Variants in CADPS2 observed in about 807,000 individuals in gnomAD.
CADPS2 encodes calcium-dependent secretion activator 2.
CADPS2 carries 93 observed loss-of-function variants against 172.5 expected under a neutral mutation model. That is an observed-to-expected ratio of 0.54 (90% confidence interval 0.46 to 0.64). CADPS2 has a LOEUF of 0.64. CADPS2 is among the 30% of genes least tolerant of loss of function. The pLI is 0.00. For missense variants in CADPS2, 1,420 were observed against 1,565.9 expected, an observed-to-expected ratio of 0.91 and a Z score of 1.57; for synonymous variants, 546 against 555.2, an observed-to-expected ratio of 0.98 and a Z score of 0.23.
intron 18 of CADPS2, among the ~76,000 whole-genome samples, chr7:122,415,202 C>G (rs1419669695): frequency 6.6e-6 from 1 of 152,084 alleles, no homozygotes; most frequent in Non-Finnish European, 1.5e-5. Context: ...ATGTTGAGAG[C>G]GAAAGCCTAG....
At chr7:122,602,909 GAACAGGTAAT>G (rs1405648171) in intron 6 of CADPS2, among the ~76,000 whole-genome samples, 5 of 152,046 alleles carry the variant, frequency 3.3e-5, no homozygotes, top group African/African-American at 1.2e-4. Context: ...CATAACTCCA[GAACAGGTAAT>G]AACAAGTGCT....
intron 2 of CADPS2, chr7:122,698,418 A>G (rs1021338475): frequency 6.2e-7 from 1 of 1,613,820 alleles, no homozygotes; most frequent in Non-Finnish European, 8.5e-7. Flanking sequence ...CTCCCTTCTT[A>G]ATTAAATGGA....
chr7:122,813,587 G>A (rs1188169121), intron 1 of CADPS2, among the ~76,000 whole-genome samples: 1 of 151,996 alleles, frequency 6.6e-6, no homozygotes, highest in East Asian at 1.9e-4. Flanking sequence ...GTTCTTAAAA[G>A]CAGAACTTTA....
At chr7:122,664,064 C>CAAAAAAAAAA (rs541690772) in intron 2 of CADPS2, among the ~76,000 whole-genome samples, 1 of 84,882 alleles carries the variant, frequency 1.2e-5, no homozygotes, top group Non-Finnish European at 2.2e-5. Flanking sequence ...TGTTTATAAG[C>CAAAAAAAAAA]AAAAAAAAAA....
chr7:122,482,076 G>A (rs2057368129), intron 11 of CADPS2, among the ~76,000 whole-genome samples: 1 of 152,086 alleles, frequency 6.6e-6, no homozygotes, highest in African/African-American at 2.4e-5. Context: ...CTATGCTAGT[G>A]GTTCCTACCT....
intron 15 of CADPS2, among the ~76,000 whole-genome samples, chr7:122,442,022 A>C (rs2051421029): frequency 6.6e-6 from 1 of 152,194 alleles, no homozygotes; most frequent in South Asian, 2.1e-4. Flanking sequence ...TCCTTTGCTG[A>C]CATTTGCCTG....
At chr7:122,447,538 G>A (rs7785662) in intron 15 of CADPS2, among the ~76,000 whole-genome samples, 50,166 of 131,060 alleles carry the variant, frequency 0.38, 10,467 homozygotes, top group African/African-American at 0.47. Flanking sequence ...TTCTTGTTTC[G>A]GGGAATTTTT....
chr7:122,845,302 C>G (rs935986927), intron 1 of CADPS2, among the ~76,000 whole-genome samples: 2 of 152,128 alleles, frequency 1.3e-5, no homozygotes, highest in South Asian at 4.1e-4. Context: ...TAAGAGCAAC[C>G]TCACACAAAG....
At chr7:122,621,316 T>C (rs2075586998) in intron 5 of CADPS2, among the ~76,000 whole-genome samples, 165 bp downstream of exon 5, 1 of 152,212 alleles carries the variant, frequency 6.6e-6, no homozygotes, top group African/African-American at 2.4e-5. Flanking sequence ...AAATTTGCAT[T>C]CATTTGCATA....
At chr7:122,820,030 C>A (rs1181058136) in intron 1 of CADPS2, among the ~76,000 whole-genome samples, 1 of 152,130 alleles carries the variant, frequency 6.6e-6, no homozygotes, top group Admixed American at 6.5e-5. Context: ...TGTCCTAAAA[C>A]CAGACAAGCC....
chr7:122,348,436 T>A (rs926790172), intron 27 of CADPS2, among the ~76,000 whole-genome samples: 2 of 152,170 alleles, frequency 1.3e-5, no homozygotes, highest in East Asian at 3.9e-4. Flanking sequence ...ATTTCTAAGT[T>A]GAGACAGTTC....
rs148690030 is a variant in CADPS2, at chr7:122,557,985, A to AC, written c.1336-3297dup. On this transcript the variant is annotated intron_variant, in intron 7 of 29. Transcript: ENST00000449022. ...CCAGCCAAGTTCAGAGAACACCAAT[A>AC]CCTAGGAAACGAAAGAAATCAGAGC... Among the ~76,000 whole-genome samples the AC allele has an allele frequency of 7.9e-3, 1,206 of 152,232 alleles. 16 individuals carry two copies. The highest frequency in any genetic ancestry group is 0.028 in the African/African-American group (1,163 of 41,534).
At chr7:122,460,724 AC>A (rs2054336828) in intron 14 of CADPS2, among the ~76,000 whole-genome samples, 2 of 152,232 alleles carry the variant, frequency 1.3e-5, no homozygotes, top group Admixed American at 1.3e-4. Flanking sequence ...ATCTAAGGAA[AC>A]AAAAAATGGA....
In CADPS2 at chr7:122,415,963, A is replaced by G. The variant is rs138059882; in HGVS notation, c.2580+98T>C. 1.4e-4 allele frequency: 85 copies of G among 600,590 alleles called. 1 individual carries two copies. The highest frequency in any genetic ancestry group is 1.3e-3 in the African/African-American group (69 of 55,168). 37.2% of individuals were successfully genotyped at this position (600,590 alleles called of 1,614,324 possible). On this transcript the variant is annotated intron_variant, in intron 18 of 29. Transcript: ENST00000449022. ...GTGCTTATTCGTTAAATGTTCAGAT[A>G]TGTATCAAGACTATGGGCAGGCCAC...
Position 122,663,370 on chromosome 7 carries a change from C to A in CADPS2, c.653G>T (p.Cys218Phe). 1 of 1,613,942 alleles carries A rather than the reference C, an allele frequency of 6.2e-7. No homozygotes were observed. Among genetic ancestry groups the A allele is most frequent in the East Asian group, 2.2e-5 (1 of 44,868 alleles). The part of the protein sequence containing the change: ...DAIYRGEEDL[C>F]KQPNRMALSA... Reference sequence around the variant, plus strand: ...TAGGGCCATTCTATTTGGCTGTTTGCACAAGTCCTCTTCACCTCTGTAAAT... The same window carrying A: ...TAGGGCCATTCTATTTGGCTGTTTGAACAAGTCCTCTTCACCTCTGTAAAT... The change falls in exon 3 of 30, where the codon TGC (cysteine) becomes TTC (phenylalanine). Residue 218 changes from cysteine (C) to phenylalanine (F), a missense_variant. Physicochemically the swap from Cys to Phe is radical, Grantham distance 205. Transcript: ENST00000449022.
chr7:122,325,668 G>C (rs1165067977), intron 28 of CADPS2, 87 bp from the exon 29 acceptor site: 2 of 767,570 alleles, frequency 2.6e-6, no homozygotes, highest in African/African-American at 3.5e-5. Flanking sequence ...CGATAATGAG[G>C]GGGTAATAAA....
At chr7:122,384,318 T>C (rs762719996) in intron 24 of CADPS2, among the ~76,000 whole-genome samples, 5 of 152,096 alleles carry the variant, frequency 3.3e-5, no homozygotes, top group Non-Finnish European at 5.9e-5. Context: ...ATAACACATT[T>C]ACTAGAGATT....
intron 17 of CADPS2, among the ~76,000 whole-genome samples, chr7:122,433,472 C>G (rs71573097): frequency 0.069 from 10,300 of 148,856 alleles, 455 homozygotes; most frequent in African/African-American, 0.098. Context: ...GGCACCACCT[C>G]GGCTCACTGT....
intron 1 of CADPS2, among the ~76,000 whole-genome samples, chr7:122,823,242 GT>G (rs1803905028): frequency 6.6e-6 from 1 of 152,130 alleles, no homozygotes; most frequent in Non-Finnish European, 1.5e-5. Flanking sequence ...TCATCTCATA[GT>G]AATTTCTCAA....
Sources: gnomAD v4.1 joint callset for allele counts (sites outside exome capture counted in the v4.1 genomes callset) on GRCh38, gnomAD v4.1.1 for gene constraint, MANE v1.5 for transcripts, NCBI Gene and HGNC (gene_info 2026-07-23, HGNC 2026-07-21) for gene names.